The following NXPH1 variants were observed in gnomAD, a reference collection of about 807,000 sequenced individuals.
NXPH1 encodes the protein neurexophilin 1, also known as neurexophilin-1.
NXPH1 carries 5 observed loss-of-function variants against 23.7 expected under a neutral mutation model. The ratio of observed to expected loss-of-function variants is 0.21; its 90% CI spans 0.11 to 0.44. The LOEUF is 0.44. Among genes scored for constraint, NXPH1 ranks in the 20% least tolerant of loss-of-function variants. The probability of loss-of-function intolerance (pLI) is 0.99; values close to 1 mark genes in which losing one functional copy is unlikely to be tolerated. For missense variants in NXPH1, 324 were observed against 321.6 expected (o/e 1.01, Z -0.06); for synonymous variants, 144 against 122.2 (o/e 1.18, Z -1.18).
intron 2 of NXPH1, among the ~76,000 whole-genome samples, chr7:8,520,824 A>C (rs16873715): frequency 6.6e-6 from 1 of 151,910 alleles, no homozygotes; most frequent in East Asian, 1.9e-4. Context: ...TTGTCACTTC[A>C]TTTTCTCTTT....
chr7:8,518,626 G>T (rs1436262727), intron 2 of NXPH1, among the ~76,000 whole-genome samples: 1 of 151,878 alleles, frequency 6.6e-6, no homozygotes, highest in Admixed American at 6.6e-5. Context: ...AGCTGGGACT[G>T]CAGGTACAGG....
chr7:8,637,224 T>TGA (rs1820230466), intron 2 of NXPH1, among the ~76,000 whole-genome samples: 1 of 149,854 alleles, frequency 6.7e-6, no homozygotes, highest in African/African-American at 2.5e-5. Context: ...TGGGACTGAC[T>TGA]CTTTTTTTTT....
Position 8,751,000 on chromosome 7 carries a change from G to A in NXPH1, c.55-8G>A. On this transcript the variant is annotated splice_region_variant and splice_polypyrimidine_tract_variant and intron_variant, in intron 2 of 2. Transcript: ENST00000405863. ...GATGTAAATGCCATTTTTCTCTTCT[G>A]TTTTCAGGTCACATGTGCCAATTTA... The A allele has an allele frequency of 6.2e-7, 1 of 1,612,420 alleles. No individual in the cohort carries two copies. The highest frequency in any genetic ancestry group is 8.5e-7 in the Non-Finnish European group (1 of 1,178,752).
rs750827747 is a variant in NXPH1, at chr7:8,751,452, T to A, written c.499T>A (p.Leu167Met). ...STGQGNVSVS[L>M]VPPTKIVEFD... ...TGGTCAAGGGAATGTATCTGTCAGC[T>A]TGGTACCCCCTACAAAAATCGTGGA... Residue 167 changes from leucine to methionine, a missense_variant, in exon 3 of 3, where the codon TTG (leucine) becomes ATG (methionine). Transcript: ENST00000405863. This position sits in a 1 kb window ranked among gnomAD's most constrained non-coding sequence, Gnocchi z 4.5. 6.2e-7 allele frequency: 1 copy of A among 1,613,838 alleles called. No homozygotes were observed.
chr7:8,720,758 TA>T (rs1345272212), intron 2 of NXPH1, among the ~76,000 whole-genome samples: 2 of 152,222 alleles, frequency 1.3e-5, no homozygotes, highest in Admixed American at 6.5e-5. Flanking sequence ...CTGCAACTAC[TA>T]AAAACATTGC....
intron 2 of NXPH1, among the ~76,000 whole-genome samples, chr7:8,570,570 G>C (rs1262738529): frequency 6.6e-6 from 1 of 151,974 alleles, no homozygotes; most frequent in African/African-American, 2.4e-5. Flanking sequence ...ATCATATTGG[G>C]TGTTGGGGGT....
intron 2 of NXPH1, among the ~76,000 whole-genome samples, chr7:8,540,965 TAAGTATATTTATTGAAATCCAAA>T (rs1818106468): frequency 6.6e-6 from 1 of 151,712 alleles, no homozygotes. Flanking sequence ...GAACAAAGCT[TAAGTATATTTATTGAAATCCAAA>T]AATAATGAGC....
At chr7:8,438,022 G>A (rs1378128477) in intron 2 of NXPH1, among the ~76,000 whole-genome samples, 1 of 152,206 alleles carries the variant, frequency 6.6e-6, no homozygotes, top group African/African-American at 2.4e-5. Context: ...TGTGACCCAA[G>A]GCAGTATTTC....
At chr7:8,555,203 A>G (rs755294830) in intron 2 of NXPH1, among the ~76,000 whole-genome samples, 16 of 151,716 alleles carry the variant, frequency 1.1e-4, no homozygotes, top group African/African-American at 3.6e-4. Flanking sequence ...CACGCAACTG[A>G]TAGACTGAAG....
intron 2 of NXPH1, among the ~76,000 whole-genome samples, chr7:8,672,548 C>G (rs116065508): frequency 8.6e-5 from 13 of 151,628 alleles, no homozygotes; most frequent in Non-Finnish European, 2.9e-5. Context: ...AAGCAAACAG[C>G]TTGAAAGACA....
intron 2 of NXPH1, among the ~76,000 whole-genome samples, chr7:8,499,075 G>A (rs968417871): frequency 2.6e-5 from 4 of 152,178 alleles, no homozygotes; most frequent in East Asian, 3.9e-4. Flanking sequence ...AAGATGATGC[G>A]AGGCACTACA....
intron 2 of NXPH1, among the ~76,000 whole-genome samples, chr7:8,492,773 T>C (rs1817270829): frequency 6.6e-6 from 1 of 151,994 alleles, no homozygotes; most frequent in South Asian, 2.1e-4. Context: ...CACTTAGAAC[T>C]AATGCCATGG....
At chr7:8,566,712 T>C (rs917544781) in intron 2 of NXPH1, among the ~76,000 whole-genome samples, 6 of 151,838 alleles carry the variant, frequency 4.0e-5, no homozygotes, top group Admixed American at 1.3e-4. Context: ...TTGGCTCCTC[T>C]GATTTAGAGG....
intron 2 of NXPH1, among the ~76,000 whole-genome samples, chr7:8,481,619 C>T (rs7776833): frequency 0.57 from 86,282 of 151,936 alleles, 26,295 homozygotes; most frequent in African/African-American, 0.79. Flanking sequence ...ACCCTAAATA[C>T]CCACCAAAAT....
intron 2 of NXPH1, among the ~76,000 whole-genome samples, chr7:8,643,013 C>CGT (rs990728523): frequency 5.4e-4 from 82 of 152,070 alleles, no homozygotes; most frequent in African/African-American, 1.9e-3. Flanking sequence ...TACGGGTGCA[C>CGT]GCCACCATGC....
At chr7:8,573,371 A>G (rs1302179870) in intron 2 of NXPH1, among the ~76,000 whole-genome samples, 1 of 152,108 alleles carries the variant, frequency 6.6e-6, no homozygotes, top group East Asian at 1.9e-4. Flanking sequence ...AATTAAGGGT[A>G]TAAAACGACA....
intron 2 of NXPH1, among the ~76,000 whole-genome samples, chr7:8,539,103 C>T (rs1371195824): frequency 6.6e-6 from 1 of 151,776 alleles, no homozygotes; most frequent in African/African-American, 2.4e-5. Context: ...CAAACACTGA[C>T]TACCTATGTA....
At chr7:8,497,961 G>A (rs577626146) in intron 2 of NXPH1, among the ~76,000 whole-genome samples, 6 of 152,182 alleles carry the variant, frequency 3.9e-5, no homozygotes, top group African/African-American at 1.4e-4. Flanking sequence ...GAATGGTATT[G>A]CCTAGGTTTT....
chr7:8,589,765 AG>A (rs1438822413), intron 2 of NXPH1, among the ~76,000 whole-genome samples: 2 of 152,108 alleles, frequency 1.3e-5, no homozygotes, highest in African/African-American at 2.4e-5. Context: ...CAGACCAGAG[AG>A]CAGGTCTACA....
Sources: allele counts gnomAD v4.1 joint callset (sites outside exome capture counted in the v4.1 genomes callset), GRCh38; gene constraint gnomAD v4.1.1; non-coding constraint Gnocchi (gnomAD v3.1); transcripts MANE v1.5; gene names NCBI Gene and HGNC (gene_info 2026-07-23, HGNC 2026-07-21).